The following BICC1 variants were observed in gnomAD, a reference collection of about 807,000 sequenced individuals.
BICC1 encodes the protein BicC family RNA binding protein 1.
Under a neutral mutation model 111.0 loss-of-function variants are expected in BICC1, and 43 were observed. That is an observed-to-expected ratio of 0.39 (90% confidence interval 0.30 to 0.50). The LOEUF (loss-of-function observed/expected upper bound fraction) is 0.50. Ranked by LOEUF, BICC1 falls within the 20% of genes least tolerant of loss-of-function variation. The pLI is 0.88. For missense variants in BICC1, 1,091 were observed against 1,203.2 expected, an observed-to-expected ratio of 0.91 and a Z score of 1.38; for synonymous variants, 467 against 434.4, an observed-to-expected ratio of 1.07 and a Z score of -0.93.
chr10:58,684,696 G>C (rs1839654990), intron 2 of BICC1, among the ~76,000 whole-genome samples: 1 of 152,146 alleles, frequency 6.6e-6, no homozygotes, highest in South Asian at 2.1e-4. Context: ...ATGGTAGTTT[G>C]TATTTCTGTG....
At chr10:58,718,747 T>C (rs1840829701) in intron 3 of BICC1, among the ~76,000 whole-genome samples, 1 of 149,348 alleles carries the variant, frequency 6.7e-6, no homozygotes, top group Non-Finnish European at 1.5e-5. Flanking sequence ...TGGAAATGTG[T>C]GTGTGTGTGT....
At position 58,513,157 on chromosome 10, in the gene BICC1, G is replaced by C. The variant is rs777867059; in HGVS notation, c.14G>C (p.Gly5Ala). The change falls in exon 1 of 21, where the codon GGA (glycine) becomes GCA (alanine). Residue 5 changes from glycine (G) to alanine (A), a missense_variant. This residue lies in a region of BICC1 where 843 missense variants were observed against 900.8 expected (regional missense o/e 0.94). Transcript: ENST00000373886. The stretch of plus-strand genomic sequence containing the variant: ...TGCGCGCCCACCATGGCCGCCCAGG[G>C]AGAGCCCGGCTACCTGGCGGCGCAG... MAAQ[G>A]EPGYLAAQSD... 4.5e-6 allele frequency: 7 copies of C among 1,543,590 alleles called. No individual in the cohort carries two copies. Among genetic ancestry groups the C allele is most frequent in the Middle Eastern group, 1.9e-4 (1 of 5,318 alleles).
rs1844510131 is a variant in BICC1, at chr10:58,829,935, A to G, written c.*1044A>G. Reference sequence around the variant, plus strand: ...CCCGAGATTGTCACTTTATTTAAAAAGACAAATAATCATCTGACAAGACAG... The same window carrying G: ...CCCGAGATTGTCACTTTATTTAAAAGGACAAATAATCATCTGACAAGACAG... On this transcript the variant is annotated 3_prime_UTR_variant, in exon 21 of 21. Transcript: ENST00000373886. 6.6e-6 allele frequency: 1 copy of G among 152,216 alleles called. No homozygotes were observed. Among genetic ancestry groups the G allele is most frequent in the Non-Finnish European group, 1.5e-5 (1 of 68,030 alleles). 9.4% of individuals were successfully genotyped at this position (152,216 alleles called of 1,614,324 possible). A position where few individuals can be genotyped will look rare whatever the true frequency, so the allele number is the denominator to read the frequency against.
intron 3 of BICC1, among the ~76,000 whole-genome samples, chr10:58,745,362 C>T (rs1360926562): frequency 6.6e-6 from 1 of 152,062 alleles, no homozygotes; most frequent in Non-Finnish European, 1.5e-5. Context: ...TAATCCCTCA[C>T]AGGATTATGC....
chr10:58,577,770 A>C (rs996049899), intron 1 of BICC1, among the ~76,000 whole-genome samples: 2 of 152,198 alleles, frequency 1.3e-5, no homozygotes, highest in African/African-American at 4.8e-5. Flanking sequence ...TATGTCCTTA[A>C]AATCCTAAAC....
At chr10:58,730,898 T>C (rs922353628) in intron 3 of BICC1, among the ~76,000 whole-genome samples, 1 of 152,102 alleles carries the variant, frequency 6.6e-6, no homozygotes. Flanking sequence ...CCTCCCTGCC[T>C]ATGATGGGAG....
chr10:58,721,282 T>C (rs1840932067), intron 3 of BICC1, among the ~76,000 whole-genome samples: 2 of 152,184 alleles, frequency 1.3e-5, no homozygotes, highest in Non-Finnish European at 2.9e-5. Flanking sequence ...TCCTAACTTA[T>C]GCTCCCTGGG....
chr10:58,791,177 A>G (rs1843164563), intron 8 of BICC1, among the ~76,000 whole-genome samples: 1 of 152,148 alleles, frequency 6.6e-6, no homozygotes, highest in Admixed American at 6.5e-5. Flanking sequence ...ATACTGTACT[A>G]CAAGTCAGAT....
chr10:58,678,670 T>C (rs1839421473), intron 2 of BICC1, among the ~76,000 whole-genome samples: 1 of 152,084 alleles, frequency 6.6e-6, no homozygotes, highest in South Asian at 2.1e-4. Context: ...TGAACTCAGC[T>C]CTGGACCAAG....
chr10:58,548,118 T>G (rs2131903777), intron 1 of BICC1, among the ~76,000 whole-genome samples: 1 of 152,364 alleles, frequency 6.6e-6, no homozygotes, highest in East Asian at 1.9e-4. Flanking sequence ...GCCAAATATG[T>G]GTTTATACTG....
rs184726762 is a variant in BICC1 at position 58,757,051 on chromosome 10, C to T, written c.308-27950C>T. Among the ~76,000 whole-genome samples the T allele has an allele frequency of 4.5e-4, 69 of 152,220 alleles. No individual in the cohort carries two copies. In the East Asian group the frequency reaches 9.5e-3, roughly 21 times the overall value. The stretch of plus-strand genomic sequence containing the variant: ...TTTCTTAGTTACTCTAATAACAAAG[C>T]CCTTTTATTGTGCAGAGAAGTAACC... On this transcript the variant is annotated intron_variant, in intron 3 of 20. Coordinates refer to ENST00000373886, the MANE Select transcript of BICC1 (RefSeq NM_001080512.3).
intron 3 of BICC1, among the ~76,000 whole-genome samples, chr10:58,781,678 G>A (rs1040929703): frequency 2.0e-5 from 3 of 152,014 alleles, no homozygotes; most frequent in Non-Finnish European, 2.9e-5. Flanking sequence ...TTGCAGAGTG[G>A]GTCTAAAGGA....
In BICC1 at chr10:58,547,219, T is replaced by C. The variant is rs75936073; in HGVS notation, c.190+33886T>C. 5.2e-3 allele frequency among the ~76,000 whole-genome samples: 795 copies of C among 152,312 alleles called. 4 individuals are homozygous for C. The highest frequency in any genetic ancestry group is 0.018 in the African/African-American group (759 of 41,582). On this transcript the variant is annotated intron_variant, in intron 1 of 20. Coordinates refer to ENST00000373886, the MANE Select transcript of BICC1 (RefSeq NM_001080512.3). ...CTGTTCTTTTTCTATTCTGGGACTC[T>C]ATCCAGAATATCACATTGCATTCAT...
chr10:58,619,205 G>T (rs554168523), intron 1 of BICC1, among the ~76,000 whole-genome samples: 38 of 152,210 alleles, frequency 2.5e-4, no homozygotes, highest in African/African-American at 8.4e-4. Context: ...CCTTTGCTAG[G>T]AGTCATTATT....
chr10:58,680,770 C>T (rs1218939330), intron 2 of BICC1, among the ~76,000 whole-genome samples: 1 of 152,196 alleles, frequency 6.6e-6, no homozygotes, highest in Non-Finnish European at 1.5e-5. Context: ...TGACTTCAAA[C>T]TATACTACAA....
chr10:58,748,069 G>A (rs1841885114), intron 3 of BICC1, among the ~76,000 whole-genome samples: 1 of 152,126 alleles, frequency 6.6e-6, no homozygotes, highest in Non-Finnish European at 1.5e-5. Context: ...GGTGATGTGG[G>A]TTCAAAAATT....
chr10:58,679,281 A>T (rs940665045), intron 2 of BICC1, among the ~76,000 whole-genome samples: 8 of 152,210 alleles, frequency 5.3e-5, no homozygotes, highest in African/African-American at 1.2e-4. Flanking sequence ...AAATAGATAG[A>T]CTGCTAGCCA....
At chr10:58,567,334 G>A (rs1843798960) in intron 1 of BICC1, among the ~76,000 whole-genome samples, 1 of 151,896 alleles carries the variant, frequency 6.6e-6, no homozygotes, top group Admixed American at 6.6e-5. Context: ...AAATTATTTG[G>A]ATGATTTTTT....
Position 58,513,098 on chromosome 10 carries a change from G to A in BICC1, c.-46G>A. On this transcript the variant is annotated 5_prime_UTR_variant, in exon 1 of 21. Coordinates refer to ENST00000373886, the MANE Select transcript of BICC1 (RefSeq NM_001080512.3). ...GCCGGCGAGCGGAGGCGGCAGCGCAGGCAGAGCGGCGGCGGCAGCGGGAGC... is the reference window on the plus strand; with the variant it reads ...GCCGGCGAGCGGAGGCGGCAGCGCAAGCAGAGCGGCGGCGGCAGCGGGAGC... 7.5e-7 allele frequency: 1 copy of A among 1,327,826 alleles called. No homozygotes were observed. Among genetic ancestry groups the A allele is most frequent in the Non-Finnish European group, 9.6e-7 (1 of 1,039,746 alleles). 82.3% of individuals were successfully genotyped at this position (1,327,826 alleles called of 1,614,324 possible). A position where few individuals can be genotyped will look rare whatever the true frequency, so the allele number is the denominator to read the frequency against.
Sources: allele counts gnomAD v4.1 joint callset (sites outside exome capture counted in the v4.1 genomes callset), GRCh38; gene constraint gnomAD v4.1.1; regional missense constraint gnomAD v4.1.1; transcripts MANE v1.5; gene names NCBI Gene and HGNC (gene_info 2026-07-23, HGNC 2026-07-21).